SYNE1: variants seen among roughly 807,000 people sequenced by gnomAD.
SYNE1 encodes the protein spectrin repeat containing nuclear envelope protein 1.
Under a neutral mutation model 1,111.0 loss-of-function variants are expected in SYNE1, and 616 were observed. That is an observed-to-expected ratio of 0.55 (90% CI 0.52 to 0.59). SYNE1 has a LOEUF of 0.59. SYNE1 is among the 20% of genes least tolerant of loss of function. The pLI is 0.00. For missense variants in SYNE1, 10,006 were observed against 10,417.0 expected (o/e 0.96, Z 1.72); for synonymous variants, 3,855 against 3,825.8 (o/e 1.01, Z -0.28).
At chr6:152,550,049 T>C (rs963248401) in intron 3 of SYNE1, among the ~76,000 whole-genome samples, 1 of 152,206 alleles carries the variant, frequency 6.6e-6, no homozygotes. Context: ...TTGTGCATTA[T>C]AGGATGTCTA....
chr6:152,531,402 T>G (rs1258265327), intron 4 of SYNE1, among the ~76,000 whole-genome samples: 1 of 152,156 alleles, frequency 6.6e-6, no homozygotes, highest in South Asian at 2.1e-4. Flanking sequence ...TTCTAGTGGA[T>G]AGTGATCAGG....
Position 152,534,900 on chromosome 6 carries a change from C to G in SYNE1, c.129+5060G>C, listed in dbSNP as rs140618592. 2.2e-4 allele frequency among the ~76,000 whole-genome samples: 33 copies of G among 152,242 alleles called. No individual in the cohort carries two copies. In the East Asian group the frequency reaches 6.2e-3, roughly 28 times the overall value. On this transcript the variant is annotated intron_variant, in intron 4 of 145. Coordinates refer to ENST00000367255, the MANE Select transcript of SYNE1 (RefSeq NM_182961.4). ...GTTTTTAGAAAAAACATGGAAAATC[C>G]AAAATGTTCCTTTTAAAAGACTGTA...
intron 29 of SYNE1, among the ~76,000 whole-genome samples, chr6:152,445,641 T>C (rs1408944042): frequency 1.3e-5 from 2 of 152,088 alleles, no homozygotes; most frequent in African/African-American, 4.8e-5. Flanking sequence ...AACCACAAAC[T>C]CCCAATTTCA....
intron 11 of SYNE1, among the ~76,000 whole-genome samples, chr6:152,496,307 T>C (rs1363690312): frequency 6.6e-6 from 1 of 152,122 alleles, no homozygotes; most frequent in African/African-American, 2.4e-5. Context: ...TTTACCCAAA[T>C]CAATCTGGCC....
chr6:152,352,074 G>C lies in SYNE1; in HGVS notation c.11533C>G (p.Pro3845Ala). The stretch of plus-strand genomic sequence containing the variant: ...TTTTTCTCATATAATTCCATTTTGG[G>C]TTCTTCAGGAACATGTAGAATTTCC... Reference protein sequence around the residue: ...YQEILHVPEEPKMELYEKKAQ... With the variant: ...YQEILHVPEEAKMELYEKKAQ... The change falls in exon 70 of 146, where the codon CCC becomes GCC. Residue 3845 changes from proline (P) to alanine (A), a missense_variant. By Grantham distance (27) the Pro-to-Ala change is conservative. Transcript: ENST00000367255. 6.2e-7 allele frequency: 1 copy of C among 1,614,140 alleles called. No individual in the cohort carries two copies. The highest frequency in any genetic ancestry group is 8.5e-7 in the Non-Finnish European group (1 of 1,180,020).
At position 152,299,478 on chromosome 6, in the gene SYNE1, T is replaced by C. The variant is rs1384908005; in HGVS notation, c.17682+1163A>G. On this transcript the variant is annotated intron_variant, in intron 93 of 145. Coordinates refer to ENST00000367255, the MANE Select transcript of SYNE1 (RefSeq NM_182961.4). ...TTATTATCTGTCCCATGTCTGCCTT[T>C]CTCTCTAGACTGTCAGGGCCTTGCA... Among the ~76,000 whole-genome samples the C allele has an allele frequency of 2.0e-5, 3 of 152,238 alleles. No individual in the cohort carries two copies. The East Asian group carries it at 5.8e-4, about 29-fold the overall frequency.
intron 114 of SYNE1, 39 bp downstream of exon 114, chr6:152,231,352 T>G: frequency 6.2e-7 from 1 of 1,612,306 alleles, no homozygotes; most frequent in South Asian, 1.1e-5. Context: ...TTCTTGGGGT[T>G]TTCATGTAAA....
At chr6:152,434,045 T>C (rs1444830906) in intron 33 of SYNE1, 100 bp from the exon 34 acceptor site, 12 of 1,118,322 alleles carry the variant, frequency 1.1e-5, no homozygotes, top group Non-Finnish European at 1.4e-5. Flanking sequence ...ATGAAGACAT[T>C]TGTGACCATT....
intron 97 of SYNE1, 85 bp from the exon 98 acceptor site, chr6:152,278,365 G>A: frequency 6.6e-7 from 1 of 1,511,372 alleles, no homozygotes; most frequent in Non-Finnish European, 9.1e-7. Flanking sequence ...ACAGCCCTTT[G>A]GAGTCTTTTA....
intron 11 of SYNE1, among the ~76,000 whole-genome samples, chr6:152,494,002 G>A (rs868321553): frequency 6.6e-6 from 1 of 151,968 alleles, no homozygotes; most frequent in Non-Finnish European, 1.5e-5. Flanking sequence ...TTCATTACAC[G>A]CAGCCAAAGT....
intron 36 of SYNE1, among the ~76,000 whole-genome samples, chr6:152,428,934 T>C (rs1420681446): frequency 6.6e-6 from 1 of 152,040 alleles, no homozygotes; most frequent in Admixed American, 6.6e-5. Context: ...ACAATTTAGG[T>C]AACTTGTGAA....
intron 131 of SYNE1, among the ~76,000 whole-genome samples, chr6:152,163,124 A>T (rs977477196): frequency 1.3e-5 from 2 of 152,184 alleles, no homozygotes; most frequent in Admixed American, 1.3e-4. Flanking sequence ...AAGCAACCTA[A>T]ATGCATGGAG....
At chr6:152,453,340 T>A (rs893917300) in intron 25 of SYNE1, 9 of 618,406 alleles carry the variant, frequency 1.5e-5, no homozygotes, top group Non-Finnish European at 2.5e-5. Context: ...TAAAAAAAAA[T>A]CAGGAAACCA....
chr6:152,426,371 G>A (rs886876192), intron 38 of SYNE1, among the ~76,000 whole-genome samples: 2 of 152,210 alleles, frequency 1.3e-5, no homozygotes, highest in Non-Finnish European at 2.9e-5. Context: ...TCATAAAGCA[G>A]AACTGCGACT....
chr6:152,276,676 G>A (rs1182915003), intron 98 of SYNE1, among the ~76,000 whole-genome samples: 1 of 152,008 alleles, frequency 6.6e-6, no homozygotes, highest in Non-Finnish European at 1.5e-5. Flanking sequence ...CATTTTACTT[G>A]GAGAACAGAT....
chr6:152,160,423 T>G (rs904193345), intron 131 of SYNE1, among the ~76,000 whole-genome samples: 8 of 152,306 alleles, frequency 5.3e-5, no homozygotes, highest in African/African-American at 1.9e-4. Flanking sequence ...TGCTCCCATC[T>G]GGACAGGTGC....
At chr6:152,593,942 C>A (rs939925808) in intron 3 of SYNE1, among the ~76,000 whole-genome samples, 6 of 152,244 alleles carry the variant, frequency 3.9e-5, no homozygotes, top group African/African-American at 1.4e-4. Flanking sequence ...CTGGAAAAAA[C>A]CATAGTGAGC....
At chr6:152,188,903 A>G (rs1485320769) in intron 128 of SYNE1, among the ~76,000 whole-genome samples, 15 of 135,906 alleles carry the variant, frequency 1.1e-4, no homozygotes, top group African/African-American at 4.1e-4. Context: ...GCTTGCAGTG[A>G]GCCGAGATTG....
intron 55 of SYNE1, among the ~76,000 whole-genome samples, chr6:152,384,075 G>A (rs2097479036): frequency 6.6e-6 from 1 of 152,128 alleles, no homozygotes; most frequent in Non-Finnish European, 1.5e-5. Flanking sequence ...GATGCTACAG[G>A]TTTTATGTGT....
Sources: allele counts gnomAD v4.1 joint callset (sites outside exome capture counted in the v4.1 genomes callset), GRCh38; gene constraint gnomAD v4.1.1; transcripts MANE v1.5; gene names NCBI Gene and HGNC (gene_info 2026-07-23, HGNC 2026-07-21).